Variants in PCDHGA4 observed in about 807,000 individuals in gnomAD.
The protein encoded by PCDHGA4 is protocadherin gamma-A4.
Under a neutral mutation model 54.6 loss-of-function variants are expected in PCDHGA4, and 38 were observed. That is an observed-to-expected ratio of 0.70 (90% confidence interval 0.54 to 0.91). The LOEUF is 0.91. Ranked by LOEUF, PCDHGA4 falls within the 40% of genes least tolerant of loss-of-function variation. The pLI is 0.00. For missense variants in PCDHGA4, 1,298 were observed against 1,220.9 expected, an observed-to-expected ratio of 1.06 and a Z score of -0.94; for synonymous variants, 511 against 512.9, an observed-to-expected ratio of 1.00 and a Z score of 0.05.
intron 3 of PCDHGA4, among the ~76,000 whole-genome samples, chr5:141,506,198 C>T (rs985517638): frequency 3.3e-5 from 5 of 152,156 alleles, no homozygotes; most frequent in Admixed American, 6.5e-5. Context: ...CGCCTGTAAT[C>T]CCAGCACTTT....
Position 141,476,373 on chromosome 5 carries a change from T to C in PCDHGA4, c.2515-18434T>C. 1 of 1,614,054 alleles carries C rather than the reference T, an allele frequency of 6.2e-7. No individual in the cohort carries two copies. Among genetic ancestry groups the C allele is most frequent in the Non-Finnish European group, 8.5e-7 (1 of 1,180,020 alleles). On this transcript the variant is annotated intron_variant, in intron 1 of 3. Transcript: ENST00000571252. This position sits in a 1 kb window ranked among gnomAD's most constrained non-coding sequence, Gnocchi z 7.6. ...GAGGTGAACCGGGAGACCGGAGAGA[T>C]GTTTGTGAACGACCGTCTGGATCGA...
In PCDHGA4 at chr5:141,431,889, A is replaced by G; in HGVS notation, c.2515-62918A>G. 1 of 1,614,170 alleles carries G rather than the reference A, an allele frequency of 6.2e-7. No homozygotes were observed. The highest frequency in any genetic ancestry group is 2.2e-5 in the East Asian group (1 of 44,888). On this transcript the variant is annotated intron_variant, in intron 1 of 3. Transcript: ENST00000571252. The surrounding 1 kb of genome is among the most constrained non-coding windows in gnomAD (Gnocchi z 4.8). The stretch of plus-strand genomic sequence containing the variant: ...TTAAATGTAAATGACCAAGATTCTG[A>G]GGAAAACGGACAGGTGATCTGTTTC...
At chr5:141,395,094 G>T (rs192995605) in intron 1 of PCDHGA4, 4 of 1,614,042 alleles carry the variant, frequency 2.5e-6, no homozygotes, top group Non-Finnish European at 3.4e-6. Flanking sequence ...CTCCCTCACC[G>T]CCGACTCGCG....
chr5:141,458,506 A>G (rs1443711702), intron 1 of PCDHGA4, among the ~76,000 whole-genome samples: 1 of 150,282 alleles, frequency 6.7e-6, no homozygotes, highest in Non-Finnish European at 1.5e-5. Flanking sequence ...ATACTGTTTG[A>G]CACTTTGTTT....
chr5:141,363,428 A>G (rs1396844187), intron 1 of PCDHGA4, among the ~76,000 whole-genome samples: 2 of 152,214 alleles, frequency 1.3e-5, no homozygotes, highest in African/African-American at 4.8e-5. Context: ...CTGTCTCAAC[A>G]TAGAAAGGTC....
chr5:141,489,375 G>T lies in PCDHGA4; in HGVS notation c.2515-5432G>T. 6.2e-7 allele frequency: 1 copy of T among 1,613,826 alleles called. No homozygotes were observed. Among genetic ancestry groups the T allele is most frequent in the Non-Finnish European group, 8.5e-7 (1 of 1,179,724 alleles). On this transcript the variant is annotated intron_variant, in intron 1 of 3. Transcript: ENST00000571252. This position sits in a 1 kb window ranked among gnomAD's most constrained non-coding sequence, Gnocchi z 4.5. ...AGGAGTCTGAGCCGGGGACGCTGGT[G>T]GGGAATGTTGCTCAGGATCTGGGCT...
chr5:141,494,428 G>A (rs1476469017), intron 1 of PCDHGA4, among the ~76,000 whole-genome samples: 1 of 152,148 alleles, frequency 6.6e-6, no homozygotes, highest in African/African-American at 2.4e-5. Flanking sequence ...TCATTGAAAA[G>A]CCTCCTTTGC....
chr5:141,390,679 C>T (rs1180129734), intron 1 of PCDHGA4: 1 of 185,884 alleles, frequency 5.4e-6, no homozygotes, highest in Non-Finnish European at 1.1e-5. Flanking sequence ...AATAATAAAG[C>T]CAAAGAATTT....
At chr5:141,474,115 G>A (rs1404490690) in intron 1 of PCDHGA4, among the ~76,000 whole-genome samples, 2 of 152,062 alleles carry the variant, frequency 1.3e-5, no homozygotes, top group South Asian at 2.1e-4. Context: ...CAACAACAAC[G>A]AAAATCTCAG....
intron 1 of PCDHGA4, chr5:141,370,178 C>G (rs1214381916): frequency 2.2e-5 from 10 of 463,756 alleles, no homozygotes; most frequent in Non-Finnish European, 2.6e-5. Context: ...CGCCGGGTGC[C>G]GCTCTTGGCT....
chr5:141,442,051 C>G (rs1384937090), intron 1 of PCDHGA4: 1 of 197,158 alleles, frequency 5.1e-6, no homozygotes, highest in East Asian at 1.8e-4. Context: ...CTACTGGTCG[C>G]GGTGCACTGC....
intron 1 of PCDHGA4, chr5:141,399,447 C>CAT: frequency 6.2e-7 from 1 of 1,614,006 alleles, no homozygotes; most frequent in Non-Finnish European, 8.5e-7. Flanking sequence ...ATATCAGAGA[C>CAT]GTCAACGATA....
At chr5:141,389,605 A>T in intron 1 of PCDHGA4, 1 of 1,613,092 alleles carries the variant, frequency 6.2e-7, no homozygotes, top group Non-Finnish European at 8.5e-7. Context: ...GCGCTCTTCG[A>T]TATGGTGCCG....
chr5:141,487,032 C>T lies in PCDHGA4; in HGVS notation c.2515-7775C>T. 6.2e-7 allele frequency: 1 copy of T among 1,614,210 alleles called. No individual in the cohort carries two copies. The highest frequency in any genetic ancestry group is 1.1e-5 in the South Asian group (1 of 91,084). ...GAGGCCCCAGATCCCAGCCTGTTTG[C>T]AGTCTCTCGATATGCTGGGGAGGTG... On this transcript the variant is annotated intron_variant, in intron 1 of 3. Coordinates refer to ENST00000571252, the MANE Select transcript of PCDHGA4 (RefSeq NM_018917.4). The surrounding 1 kb of genome is among the most constrained non-coding windows in gnomAD (Gnocchi z 5.0).
At chr5:141,415,401 G>A (rs1408496357) in intron 1 of PCDHGA4, 9 of 1,614,088 alleles carry the variant, frequency 5.6e-6, no homozygotes, top group East Asian at 2.2e-5. Context: ...TGTCCGGCTC[G>A]CACTTTGTGG....
At chr5:141,362,964 A>C (rs1762745634) in intron 1 of PCDHGA4, among the ~76,000 whole-genome samples, 1 of 152,250 alleles carries the variant, frequency 6.6e-6, no homozygotes, top group South Asian at 2.1e-4. Flanking sequence ...TTGGGAAACA[A>C]AGAAGAAAGA....
chr5:141,422,750 T>C (rs778578440), intron 1 of PCDHGA4: 4 of 1,611,900 alleles, frequency 2.5e-6, no homozygotes, highest in Non-Finnish European at 3.4e-6. Flanking sequence ...TATGTCTCTA[T>C]TAACTCCAAC....
At chr5:141,407,851 C>T (rs2094989102) in intron 1 of PCDHGA4, among the ~76,000 whole-genome samples, 1 of 152,194 alleles carries the variant, frequency 6.6e-6, no homozygotes, top group Non-Finnish European at 1.5e-5. Flanking sequence ...GGGGGATGTA[C>T]ACCTGCATTT....
chr5:141,464,328 C>T (rs2099081878), intron 1 of PCDHGA4, among the ~76,000 whole-genome samples: 1 of 150,722 alleles, frequency 6.6e-6, no homozygotes, highest in Admixed American at 6.6e-5. Context: ...CTGTTCAACC[C>T]ATCTATGACT....
Sources: allele counts gnomAD v4.1 joint callset (sites outside exome capture counted in the v4.1 genomes callset), GRCh38; gene constraint gnomAD v4.1.1; non-coding constraint Gnocchi (gnomAD v3.1); transcripts MANE v1.5; gene names NCBI Gene and HGNC (gene_info 2026-07-23, HGNC 2026-07-21).